RTN1: variants seen among roughly 807,000 people sequenced by gnomAD.
RTN1 encodes reticulon-1.
A neutral mutation model predicts 65.5 loss-of-function variants in RTN1; 25 were observed. The ratio of observed to expected loss-of-function variants is 0.38; its 90% CI spans 0.28 to 0.53. The LOEUF (loss-of-function observed/expected upper bound fraction) is 0.53. Among genes scored for constraint, RTN1 ranks in the 20% least tolerant of loss-of-function variants. The pLI is 0.79. For missense variants in RTN1, 983 were observed against 1,025.4 expected (o/e 0.96, Z 0.57); for synonymous variants, 471 against 447.6 (o/e 1.05, Z -0.66).
chr14:59,749,224 ATATCTATATATATCTATATATATC>A lies in RTN1; in HGVS notation c.242-2767_242-2744del, dbSNP rs1566711166. Among the ~76,000 whole-genome samples, 15 of 76,608 alleles carry A rather than the reference ATATCTATATATATCTATATATATC, an allele frequency of 2.0e-4. 1 individual carries two copies. The highest frequency in any genetic ancestry group is 1.2e-3 in the African/African-American group (12 of 9,914). 50.3% of individuals were successfully genotyped at this position (76,608 alleles called of 152,430 possible). A position where few individuals can be genotyped will look rare whatever the true frequency, so the allele number is the denominator to read the frequency against. On this transcript the variant is annotated intron_variant, in intron 1 of 8. Transcript: ENST00000267484. ...TATATATATATCTATATATATCTAT[ATATCTATATATATCTATATATATC>A]TATATATCTATATATATCTATATAT... is the stretch of plus-strand genomic sequence containing the variant.
At chr14:59,817,824 C>T (rs1355862879) in intron 1 of RTN1, among the ~76,000 whole-genome samples, 1 of 152,128 alleles carries the variant, frequency 6.6e-6, no homozygotes, top group Non-Finnish European at 1.5e-5. Context: ...AGATATAAAC[C>T]AGTGCTTAAC....
intron 3 of RTN1, among the ~76,000 whole-genome samples, chr14:59,720,248 A>AT (rs201794227): frequency 1.2e-4 from 15 of 122,072 alleles, no homozygotes; most frequent in Middle Eastern, 4.2e-3. Flanking sequence ...TGAAGCCACC[A>AT]TTTTAAAAAA....
intron 3 of RTN1, among the ~76,000 whole-genome samples, chr14:59,704,981 C>T (rs149037834): frequency 1.2e-3 from 190 of 152,250 alleles, no homozygotes; most frequent in Admixed American, 2.2e-3. Context: ...AAATATTTTC[C>T]TAGCTCTGAA....
chr14:59,801,322 A>C (rs1566731716), intron 1 of RTN1, among the ~76,000 whole-genome samples: 1 of 152,336 alleles, frequency 6.6e-6, no homozygotes, highest in African/African-American at 2.4e-5. Context: ...TCTGCTGAGA[A>C]CTAAAGACAT....
intron 1 of RTN1, among the ~76,000 whole-genome samples, chr14:59,831,707 T>C (rs1315705279): frequency 6.6e-6 from 1 of 152,126 alleles, no homozygotes; most frequent in Non-Finnish European, 1.5e-5. Context: ...CTCTTGGCAG[T>C]CCCAGAATAT....
At chr14:59,711,102 A>ACC (rs1884409938) in intron 3 of RTN1, among the ~76,000 whole-genome samples, 1 of 152,192 alleles carries the variant, frequency 6.6e-6, no homozygotes, top group Non-Finnish European at 1.5e-5. Flanking sequence ...AGCCTTAATA[A>ACC]CAAACCTTGT....
At chr14:59,752,098 C>T (rs1032054330) in intron 1 of RTN1, among the ~76,000 whole-genome samples, 2 of 152,218 alleles carry the variant, frequency 1.3e-5, no homozygotes, top group Non-Finnish European at 2.9e-5. Context: ...CACACCTCTG[C>T]CCTTCAATCT....
chr14:59,819,390 G>T (rs1886882999), intron 1 of RTN1, among the ~76,000 whole-genome samples: 1 of 105,658 alleles, frequency 9.5e-6, no homozygotes, highest in Non-Finnish European at 1.8e-5. Flanking sequence ...ACAGAGAGCT[G>T]ATTGGTGCAT....
At chr14:59,604,891 A>T (rs542204054) in intron 5 of RTN1, 2 of 152,306 alleles carry the variant, frequency 1.3e-5, no homozygotes, top group East Asian at 3.8e-4. Flanking sequence ...GAGGCTGGGC[A>T]TACCTCTAGC....
In RTN1 at chr14:59,751,017, C is replaced by T. The variant is rs1252453225; in HGVS notation, c.242-4536G>A. Among the ~76,000 whole-genome samples the T allele has an allele frequency of 3.3e-5, 5 of 151,404 alleles. No individual in the cohort carries two copies. In the Admixed American group the frequency reaches 3.3e-4, roughly 10 times the overall value. On this transcript the variant is annotated intron_variant, in intron 1 of 8. Coordinates refer to ENST00000267484, the MANE Select transcript of RTN1 (RefSeq NM_021136.3). ...ACCGGCATTGAGTCACCTCACCTGA[C>T]CAAGGAAAGTAATTTTGAAGTTTAG...
intron 2 of RTN1, among the ~76,000 whole-genome samples, chr14:59,742,662 C>T (rs996658794): frequency 6.6e-6 from 1 of 152,146 alleles, no homozygotes; most frequent in African/African-American, 2.4e-5. Context: ...TTGATGATTT[C>T]CTTATTTATT....
intron 3 of RTN1, among the ~76,000 whole-genome samples, chr14:59,640,474 G>A (rs1175843780): frequency 2.0e-5 from 3 of 151,934 alleles, no homozygotes; most frequent in East Asian, 1.9e-4. Context: ...GCACTACCAC[G>A]CACAGCTGAT....
At chr14:59,730,636 A>T (rs189433326) in intron 2 of RTN1, among the ~76,000 whole-genome samples, 16 of 152,340 alleles carry the variant, frequency 1.1e-4, no homozygotes, top group Admixed American at 1.0e-3. Context: ...AGAATATATG[A>T]CAAACTATTA....
intron 1 of RTN1, among the ~76,000 whole-genome samples, chr14:59,847,748 G>C (rs1248129320): frequency 1.3e-5 from 2 of 152,174 alleles, no homozygotes; most frequent in Non-Finnish European, 2.9e-5. Context: ...TGATCATGAA[G>C]TCTCTGCTTG....
At chr14:59,659,166 G>T (rs1883188112) in intron 3 of RTN1, among the ~76,000 whole-genome samples, 1 of 151,676 alleles carries the variant, frequency 6.6e-6, no homozygotes, top group African/African-American at 2.4e-5. Context: ...GAAATAAAGT[G>T]TGAAGACAAG....
In RTN1 at chr14:59,750,252, A is replaced by ATATTATATATTATATC. The variant is rs1566713465; in HGVS notation, c.242-3772_242-3771insGATATAATATATAATA. ...ATAATATATATATTATATCTATAAT[A>ATATTATATATTATATC]TATAATATATATAATATCTATAATA... On this transcript the variant is annotated intron_variant, in intron 1 of 8. Transcript: ENST00000267484. Among the ~76,000 whole-genome samples the ATATTATATATTATATC allele has an allele frequency of 4.4e-4, 18 of 41,108 alleles. 3 individuals are homozygous for ATATTATATATTATATC. Among genetic ancestry groups the ATATTATATATTATATC allele is most frequent in the African/African-American group, 1.7e-3 (8 of 4,604 alleles). The allele number at this position is 41,108 out of a possible 152,430, so 27.0% of individuals were successfully genotyped here.
At chr14:59,660,436 C>A (rs1173052101) in intron 3 of RTN1, among the ~76,000 whole-genome samples, 2 of 152,178 alleles carry the variant, frequency 1.3e-5, no homozygotes, top group Admixed American at 6.5e-5. Context: ...ACAGAATATA[C>A]ATTTTTCTCT....
At chr14:59,641,522 AC>A (rs746624456) in intron 3 of RTN1, among the ~76,000 whole-genome samples, 38 of 152,100 alleles carry the variant, frequency 2.5e-4, no homozygotes, top group Non-Finnish European at 2.6e-4. Flanking sequence ...GGTGCATACT[AC>A]CACACACAGC....
chr14:59,611,711 C>T (rs1881955609), intron 3 of RTN1, among the ~76,000 whole-genome samples: 1 of 152,152 alleles, frequency 6.6e-6, no homozygotes, highest in South Asian at 2.1e-4. Flanking sequence ...GTTTGGGAGA[C>T]TTCTCCTCAA....
Sources: allele counts gnomAD v4.1 joint callset (sites outside exome capture counted in the v4.1 genomes callset), GRCh38; gene constraint gnomAD v4.1.1; transcripts MANE v1.5; gene names NCBI Gene and HGNC (gene_info 2026-07-23, HGNC 2026-07-21).